Variants in GPLD1 observed in about 807,000 individuals in gnomAD.
The protein encoded by GPLD1 is glycosylphosphatidylinositol specific phospholipase D1.
A neutral mutation model predicts 112.6 loss-of-function variants in GPLD1; 84 were observed. The observed-to-expected ratio is 0.75, with a 90% CI of 0.63 to 0.89. The LOEUF (loss-of-function observed/expected upper bound fraction) is 0.89, where lower values mean the gene tolerates loss of function less well. GPLD1 is among the 40% of genes least tolerant of loss of function. The pLI, the probability that GPLD1 is intolerant of heterozygous loss-of-function variation, is 0.00. For synonymous variants in GPLD1, 386 were observed against 403.8 expected, an observed-to-expected ratio of 0.96 and a Z score of 0.53; for missense variants, 1,044 against 1,051.5, an observed-to-expected ratio of 0.99 and a Z score of 0.10.
chr6:24,494,979 G>C, exon 1 of GPLD1: 1 of 1,310,808 alleles, frequency 7.6e-7, no homozygotes, highest in Non-Finnish European at 9.7e-7. Flanking sequence ...GTTTCCTGTC[G>C]CCGTCGTTGC....
At chr6:24,434,837 C>CAAAAAAAAAAAA (rs747085341) in intron 22 of GPLD1, among the ~76,000 whole-genome samples, 1,975 of 65,202 alleles carry the variant, frequency 0.03, 90 homozygotes, top group African/African-American at 0.081. Context: ...GACTCCGTCT[C>CAAAAAAAAAAAA]AAAAAAAAAA....
At chr6:24,452,144 G>A (rs1167053038) in intron 14 of GPLD1, among the ~76,000 whole-genome samples, 1 of 152,196 alleles carries the variant, frequency 6.6e-6, no homozygotes, top group Non-Finnish European at 1.5e-5. Context: ...GGAGGGCATG[G>A]AGCCACTTCC....
rs143259243 is a variant in GPLD1, at chr6:24,471,269, C to A, written c.545+1313G>T. Among the ~76,000 whole-genome samples, 537 of 152,184 alleles carry A rather than the reference C, an allele frequency of 3.5e-3. 5 individuals carry two copies. The highest frequency in any genetic ancestry group is 0.027 in the South Asian group (131 of 4,824). On this transcript the variant is annotated intron_variant, in intron 7 of 24. Transcript: ENST00000230036. ...CCAACACTTGGGAGGCCAAGGTGGG[C>A]GGATCACTTGAGCCCAGGAGTTCGA...
At chr6:24,483,051 C>T (rs2744568) in intron 2 of GPLD1, among the ~76,000 whole-genome samples, 49,623 of 152,012 alleles carry the variant, frequency 0.33, 8,403 homozygotes, top group Non-Finnish European at 0.36. Context: ...AGAAAGGCTG[C>T]ACGCAGCAGC....
intron 3 of GPLD1, among the ~76,000 whole-genome samples, chr6:24,479,645 T>C (rs760907): frequency 0.49 from 74,095 of 151,970 alleles, 18,672 homozygotes; most frequent in African/African-American, 0.59. Flanking sequence ...AAAAATAGTT[T>C]TCAGAATTTC....
chr6:24,473,636 T>C lies in GPLD1; in HGVS notation c.473A>G (p.His158Arg). ...IDFHGSYSEA[H>R]SAGDFGGDVL... ...AACAGTACCAAAATCACCAGCCGAA[T>C]GAGCCTCTGAATAGGAGCCGTGAAA... The change falls in exon 6 of 25, where the codon CAT becomes CGT. Residue 158 changes from histidine (H) to arginine (R), a missense_variant. His to Arg is a conservative substitution (Grantham distance 29). Coordinates refer to ENST00000230036, the MANE Select transcript of GPLD1 (RefSeq NM_001503.4). 2 of 1,608,862 alleles carry C rather than the reference T, an allele frequency of 1.2e-6. No individual in the cohort carries two copies. Among genetic ancestry groups the C allele is most frequent in the South Asian group, 2.2e-5 (2 of 90,940 alleles).
At chr6:24,425,395 A>G (rs1013022590), downstream of GPLD1, 1 of 152,194 alleles carries the variant, frequency 6.6e-6, no homozygotes, top group African/African-American at 2.4e-5. Context: ...TTGATGAATC[A>G]TGTCAATAAA....
intron 1 of GPLD1, among the ~76,000 whole-genome samples, chr6:24,494,700 G>A (rs1260602550): frequency 6.6e-6 from 1 of 152,230 alleles, no homozygotes; most frequent in Non-Finnish European, 1.5e-5. Context: ...GCAGTCCGCA[G>A]GTGCATCTAC....
In GPLD1 at chr6:24,447,755, T is replaced by A. The variant is rs1325884121; in HGVS notation, c.1678+122A>T. 6.8e-6 allele frequency: 6 copies of A among 882,000 alleles called. No homozygotes were observed. In the African/African-American group the frequency reaches 8.4e-5, roughly 12 times the overall value. 54.6% of individuals were successfully genotyped at this position (882,000 alleles called of 1,614,324 possible). A position where few individuals can be genotyped will look rare whatever the true frequency, so the allele number is the denominator to read the frequency against. On this transcript the variant is annotated intron_variant, in intron 17 of 24. Transcript: ENST00000230036. The stretch of plus-strand genomic sequence containing the variant: ...CAACACATCTTTAAGAGTAACAGAC[T>A]GTTAGAAAATGTTGGTGAAATGATA...
chr6:24,484,780 C>T (rs1764317160), intron 2 of GPLD1, among the ~76,000 whole-genome samples: 1 of 152,138 alleles, frequency 6.6e-6, no homozygotes, highest in Non-Finnish European at 1.5e-5. Flanking sequence ...TTTCCTCATT[C>T]GGCCTGTTAG....
chr6:24,453,968 G>T (rs9393558), intron 14 of GPLD1, 47 bp downstream of exon 14: 436,790 of 1,207,644 alleles, frequency 0.36, 81,732 homozygotes, highest in Admixed American at 0.51. Context: ...CAAAATGCAA[G>T]AGTAGCTACT....
intron 2 of GPLD1, among the ~76,000 whole-genome samples, chr6:24,484,184 G>A (rs986643396): frequency 1.3e-5 from 2 of 151,932 alleles, no homozygotes; most frequent in African/African-American, 4.8e-5. Context: ...CAAAGTGCTG[G>A]GATTACTGAC....
In GPLD1 at chr6:24,486,060, A is replaced by T; in HGVS notation, c.153+15T>A. The T allele has an allele frequency of 6.6e-7, 1 of 1,517,632 alleles. No homozygotes were observed. The highest frequency in any genetic ancestry group is 1.4e-5 in the African/African-American group (1 of 72,622). 94.0% of individuals were successfully genotyped at this position (1,517,632 alleles called of 1,614,324 possible). On this transcript the variant is annotated intron_variant, in intron 2 of 24. Coordinates refer to ENST00000230036, the MANE Select transcript of GPLD1 (RefSeq NM_001503.4). ...ACTAATGCACAAAGAAGAAAAGAAA[A>T]ATCAAGATTTCTACCTCTCTGTAGT...
In GPLD1 at chr6:24,449,902, G is replaced by T; in HGVS notation, c.1336-3C>A. On this transcript the variant is annotated splice_region_variant and splice_polypyrimidine_tract_variant and intron_variant, in intron 14 of 24. Transcript: ENST00000230036. ...GCCGAGCCAAACCGACCTGAGGGCT[G>T]AAGAGGCACAAGTTTACTTCCCCTG... 1.2e-6 allele frequency: 2 copies of T among 1,606,294 alleles called. No individual in the cohort carries two copies. Among genetic ancestry groups the T allele is most frequent in the Non-Finnish European group, 1.7e-6 (2 of 1,173,702 alleles).
chr6:24,430,478 A>G (rs1466090634), intron 24 of GPLD1, among the ~76,000 whole-genome samples: 1 of 152,170 alleles, frequency 6.6e-6, no homozygotes, highest in Non-Finnish European at 1.5e-5. Flanking sequence ...TTCTTTGTCT[A>G]TCTCACAGGT....
chr6:24,489,281 C>T (rs1764485623), intron 1 of GPLD1, 134 bp downstream of exon 1: 1 of 650,728 alleles, frequency 1.5e-6, no homozygotes, highest in African/African-American at 1.8e-5. Flanking sequence ...GCTTCTCCTC[C>T]CTGCTGTCAG....
intron 20 of GPLD1, among the ~76,000 whole-genome samples, chr6:24,442,666 G>A (rs983671357): frequency 1.3e-5 from 2 of 151,530 alleles, no homozygotes; most frequent in African/African-American, 2.4e-5. Context: ...GGATGGTCTC[G>A]ATCACCTGAC....
chr6:24,431,959 G>A (rs1416705104), intron 24 of GPLD1, among the ~76,000 whole-genome samples: 7 of 151,984 alleles, frequency 4.6e-5, no homozygotes, highest in Non-Finnish European at 7.4e-5. Context: ...CTACACATAC[G>A]TACAAGAATG....
At chr6:24,473,057 T>C (rs1214424409) in intron 6 of GPLD1, 1 of 151,806 alleles carries the variant, frequency 6.6e-6, no homozygotes, top group African/African-American at 2.4e-5. Context: ...ATTACAGGTG[T>C]GAGCCACCAC....
Sources: gnomAD v4.1 joint callset for allele counts (sites outside exome capture counted in the v4.1 genomes callset) on GRCh38, gnomAD v4.1.1 for gene constraint, MANE v1.5 for transcripts, NCBI Gene and HGNC (gene_info 2026-07-23, HGNC 2026-07-21) for gene names.